ZFYVE9: variants seen among roughly 807,000 people sequenced by gnomAD.
ZFYVE9 encodes zinc finger FYVE domain-containing protein 9.
In ZFYVE9, 43 loss-of-function variants were observed where a neutral mutation model predicts 126.7. The observed-to-expected ratio is 0.34, with a 90% confidence interval of 0.27 to 0.44. The LOEUF (loss-of-function observed/expected upper bound fraction) is 0.44. Ranked by LOEUF, ZFYVE9 falls within the 20% of genes least tolerant of loss-of-function variation. The probability of loss-of-function intolerance (pLI) is 1.00; values close to 1 mark genes in which losing one functional copy is unlikely to be tolerated. For missense variants in ZFYVE9, 1,476 were observed against 1,697.0 expected (o/e 0.87, Z 2.29); for synonymous variants, 521 against 597.4 (o/e 0.87, Z 1.87).
At chr1:52,317,496 A>G (rs1370156046) in intron 13 of ZFYVE9, among the ~76,000 whole-genome samples, 1 of 151,542 alleles carries the variant, frequency 6.6e-6, no homozygotes. Context: ...AAAAAAAAAA[A>G]AGAAAGAAAA....
At chr1:52,210,983 A>T (rs192289572) in intron 1 of ZFYVE9, among the ~76,000 whole-genome samples, 1 of 152,128 alleles carries the variant, frequency 6.6e-6, no homozygotes, top group East Asian at 1.9e-4. Flanking sequence ...GTTTTCATGC[A>T]GTTGTAGTCA....
intron 9 of ZFYVE9, among the ~76,000 whole-genome samples, chr1:52,280,266 G>T (rs995547003): frequency 6.6e-6 from 1 of 150,532 alleles, no homozygotes; most frequent in African/African-American, 2.5e-5. Flanking sequence ...TGTAGTCCCA[G>T]CTACTCTCGA....
intron 1 of ZFYVE9, among the ~76,000 whole-genome samples, chr1:52,195,792 C>CTT (rs113179670): frequency 5.5e-5 from 8 of 144,640 alleles, no homozygotes; most frequent in African/African-American, 1.3e-4. Context: ...TCAGTATAGT[C>CTT]TTTTTTTTTT....
rs1305422963 is a variant in ZFYVE9 at position 52,142,944 on chromosome 1, A to G, written c.-143+541A>G. Reference sequence around the variant, plus strand: ...GTCATTCATGGATCTGGCTTGCTCGAGAACAACCTTTTGCGTCTTATTTGA... The same window carrying G: ...GTCATTCATGGATCTGGCTTGCTCGGGAACAACCTTTTGCGTCTTATTTGA... On this transcript the variant is annotated intron_variant, in intron 1 of 18. Transcript: ENST00000287727. This position sits in a 1 kb window ranked among gnomAD's most constrained non-coding sequence, Gnocchi z 4.5. Among the ~76,000 whole-genome samples the G allele has an allele frequency of 6.6e-6, 1 of 152,122 alleles. No individual in the cohort carries two copies. Among genetic ancestry groups the G allele is most frequent in the East Asian group, 1.9e-4 (1 of 5,170 alleles).
At chr1:52,235,742 C>A (rs1190573040) in intron 3 of ZFYVE9, among the ~76,000 whole-genome samples, 1 of 152,062 alleles carries the variant, frequency 6.6e-6, no homozygotes, top group African/African-American at 2.4e-5. Flanking sequence ...TTAATGCTTT[C>A]TTTTCCAAAC....
chr1:52,337,613 A>C (rs991741055), intron 15 of ZFYVE9, among the ~76,000 whole-genome samples, 159 bp from the exon 16 acceptor site: 1 of 152,258 alleles, frequency 6.6e-6, no homozygotes, highest in Non-Finnish European at 1.5e-5. Context: ...ATTGCTTCTC[A>C]CAACACTTTC....
intron 1 of ZFYVE9, among the ~76,000 whole-genome samples, chr1:52,177,966 C>A (rs1644655338): frequency 6.9e-6 from 1 of 145,132 alleles, no homozygotes. Context: ...TTTAGCAGGG[C>A]ATGGGGAACC....
chr1:52,192,067 G>A (rs1040122833), intron 1 of ZFYVE9, among the ~76,000 whole-genome samples: 1 of 150,798 alleles, frequency 6.6e-6, no homozygotes, highest in Admixed American at 6.6e-5. Flanking sequence ...CTGAAACACA[G>A]TGAATTTAAG....
At chr1:52,314,303 T>G (rs1393092022) in intron 13 of ZFYVE9, among the ~76,000 whole-genome samples, 1 of 152,222 alleles carries the variant, frequency 6.6e-6, no homozygotes, top group Non-Finnish European at 1.5e-5. Context: ...ACAATGCAAG[T>G]TGCAAGACAG....
intron 13 of ZFYVE9, among the ~76,000 whole-genome samples, chr1:52,324,198 A>C (rs141574762): frequency 1.3e-5 from 2 of 152,058 alleles, no homozygotes; most frequent in African/African-American, 4.8e-5. Context: ...GCAGTAAGCT[A>C]TGATTATGCC....
intron 5 of ZFYVE9, among the ~76,000 whole-genome samples, chr1:52,266,222 C>A (rs977352226): frequency 1.3e-5 from 2 of 151,814 alleles, no homozygotes; most frequent in African/African-American, 4.8e-5. Flanking sequence ...CTCAGCCTCC[C>A]AAGTAGCTGG....
At chr1:52,244,543 A>T (rs537202648) in intron 4 of ZFYVE9, among the ~76,000 whole-genome samples, 2 of 152,166 alleles carry the variant, frequency 1.3e-5, no homozygotes, top group African/African-American at 2.4e-5. Context: ...TGAAATAGGG[A>T]TAGATGATGA....
intron 2 of ZFYVE9, among the ~76,000 whole-genome samples, chr1:52,221,554 A>G (rs1012285852): frequency 3.9e-5 from 6 of 152,170 alleles, no homozygotes; most frequent in Admixed American, 2.6e-4. Context: ...GGTACTTATG[A>G]TGAGGTTTCC....
intron 4 of ZFYVE9, among the ~76,000 whole-genome samples, chr1:52,257,375 A>G (rs1379533908): frequency 6.6e-6 from 1 of 152,248 alleles, no homozygotes; most frequent in Non-Finnish European, 1.5e-5. Flanking sequence ...ATCTGACTAG[A>G]GAATAATCAA....
chr1:52,150,084 T>G (rs1340538545), intron 1 of ZFYVE9: 1 of 152,120 alleles, frequency 6.6e-6, no homozygotes, highest in Admixed American at 6.5e-5. Context: ...ATCTCAAAAT[T>G]CTCTTTACTA....
In ZFYVE9 at chr1:52,295,877, C is replaced by A. The variant is rs2147833283; in HGVS notation, c.3251-18C>A. On this transcript the variant is annotated intron_variant, in intron 11 of 18. Coordinates refer to ENST00000287727, the MANE Select transcript of ZFYVE9 (RefSeq NM_004799.4). The stretch of plus-strand genomic sequence containing the variant: ...TTATGTTGCCAAATTTAAGTTTGAT[C>A]ATTTCTCATTTCCATAGTTTATCCA... 3 of 1,599,202 alleles carry A rather than the reference C, an allele frequency of 1.9e-6. No individual in the cohort carries two copies. Among genetic ancestry groups the A allele is most frequent in the South Asian group, 1.1e-5 (1 of 87,630 alleles).
At chr1:52,322,528 C>T (rs1400259818) in intron 13 of ZFYVE9, among the ~76,000 whole-genome samples, 1 of 151,618 alleles carries the variant, frequency 6.6e-6, no homozygotes, top group Non-Finnish European at 1.5e-5. Context: ...CAGGTGTGCA[C>T]CACCATGCCC....
At chr1:52,152,443 G>T (rs1436291148) in intron 1 of ZFYVE9, among the ~76,000 whole-genome samples, 1 of 152,114 alleles carries the variant, frequency 6.6e-6, no homozygotes, top group Non-Finnish European at 1.5e-5. Flanking sequence ...GATAGGCCCT[G>T]ATTACTTCCT....
chr1:52,249,536 G>T (rs1191309342), intron 4 of ZFYVE9, among the ~76,000 whole-genome samples: 2 of 152,082 alleles, frequency 1.3e-5, no homozygotes. Context: ...ATATAATTCA[G>T]TCTCCTATCA....
Sources: allele counts gnomAD v4.1 joint callset (sites outside exome capture counted in the v4.1 genomes callset), GRCh38; gene constraint gnomAD v4.1.1; non-coding constraint Gnocchi (gnomAD v3.1); transcripts MANE v1.5; gene names NCBI Gene and HGNC (gene_info 2026-07-23, HGNC 2026-07-21).